PRDM15: variants seen among roughly 807,000 people sequenced by gnomAD.
PRDM15 encodes the protein PR domain zinc finger protein 15.
A neutral mutation model predicts 128.6 loss-of-function variants in PRDM15; 64 were observed. The observed-to-expected ratio is 0.50, with a 90% CI of 0.41 to 0.61. The LOEUF (loss-of-function observed/expected upper bound fraction) is 0.61, where lower values mean the gene tolerates loss of function less well. Ranked by LOEUF, PRDM15 falls within the 20% of genes least tolerant of loss-of-function variation. PRDM15 has a pLI of 0.00. For missense variants in PRDM15, 1,242 were observed against 1,569.1 expected (o/e 0.79, Z 3.52); for synonymous variants, 615 against 621.8 (o/e 0.99, Z 0.16).
chr21:41,825,078 G>T (rs1156915477), intron 13 of PRDM15, among the ~76,000 whole-genome samples: 2 of 152,276 alleles, frequency 1.3e-5, no homozygotes, highest in Non-Finnish European at 2.9e-5. Context: ...TGGGCCCAGA[G>T]CCCGCTTGGG....
In PRDM15 at chr21:41,821,756, C is replaced by T; in HGVS notation, c.1896+147G>A. 2 of 942,270 alleles carry T rather than the reference C, an allele frequency of 2.1e-6. No homozygotes were observed. Among genetic ancestry groups the T allele is most frequent in the Non-Finnish European group, 3.2e-6 (2 of 619,726 alleles). The allele number at this position is 942,270 out of a possible 1,614,324, so 58.4% of individuals were successfully genotyped here. A position where few individuals can be genotyped will look rare whatever the true frequency, so the allele number is the denominator to read the frequency against. ...CACAAGTGATGGACAGGCACCCAGT[C>T]TGCAGTAGGACCACTGGCCGGAGCC... On this transcript the variant is annotated intron_variant, in intron 15 of 23. Transcript: ENST00000398548. The surrounding 1 kb of genome is among the most constrained non-coding windows in gnomAD (Gnocchi z 5.4).
In PRDM15 at chr21:41,821,881, C is replaced by A. The variant is rs755484835; in HGVS notation, c.1896+22G>T. 3.1e-6 allele frequency: 5 copies of A among 1,612,996 alleles called. No individual in the cohort carries two copies. The Middle Eastern group carries it at 5.0e-4, about 160-fold the overall frequency. On this transcript the variant is annotated intron_variant, in intron 15 of 23. Transcript: ENST00000398548. The surrounding 1 kb of genome is among the most constrained non-coding windows in gnomAD (Gnocchi z 5.4). ...CCTTCCTCTCCAGACCACCCAGGCA[C>A]CGCGGGGCAAACCCGCCATACCTGG...
At chr21:41,815,861 G>T (rs765617481) in intron 18 of PRDM15, 25 bp from the exon 19 acceptor site, 3 of 1,610,156 alleles carry the variant, frequency 1.9e-6, no homozygotes, top group Admixed American at 3.3e-5. Flanking sequence ...CGAGTCAGAG[G>T]CGGCCACACC....
rs1488025518 is a variant in PRDM15, at chr21:41,857,183, G to A, written c.278C>T (p.Pro93Leu). ...VAKWEKESAF[P>L]LKVFQKDGHP... ...TTTGGCAACAGCCTTTACCTTCAGGGGAAATGCAGACTCCTTTTCCCATTT... is the reference window on the plus strand; with the variant it reads ...TTTGGCAACAGCCTTTACCTTCAGGAGAAATGCAGACTCCTTTTCCCATTT... The change falls in exon 4 of 24, where the codon CCC becomes CTC. Residue 93 changes from proline to leucine, a missense_variant. This residue lies in a region of PRDM15 where 612 missense variants were observed against 717.0 expected (regional missense o/e 0.85). Coordinates refer to ENST00000398548, the MANE Select transcript of PRDM15 (RefSeq NM_001040424.3). The A allele has an allele frequency of 1.9e-6, 3 of 1,613,056 alleles. No homozygotes were observed. The highest frequency in any genetic ancestry group is 8.5e-7 in the Non-Finnish European group (1 of 1,179,490).
intron 11 of PRDM15, chr21:41,834,354 A>G (rs2839388): frequency 0.79 from 544,511 of 687,622 alleles, 216,428 homozygotes; most frequent in African/African-American, 0.92. Context: ...CCCATGTGCG[A>G]CAGCCCTGGT....
chr21:41,817,682 A>C (rs2062099880), intron 18 of PRDM15, among the ~76,000 whole-genome samples: 1 of 152,188 alleles, frequency 6.6e-6, no homozygotes, highest in African/African-American at 2.4e-5. Flanking sequence ...CCGATATAAA[A>C]AGATCTCCAA....
intron 19 of PRDM15, chr21:41,812,814 G>T (rs35654380): frequency 0.018 from 2,796 of 152,510 alleles, 42 homozygotes; most frequent in Non-Finnish European, 0.026. Flanking sequence ...CCACTGTGGG[G>T]GATGATCGCC....
At chr21:41,841,085 T>C (rs1012725709) in intron 6 of PRDM15, among the ~76,000 whole-genome samples, 7 of 150,714 alleles carry the variant, frequency 4.6e-5, no homozygotes, top group African/African-American at 1.5e-4. Flanking sequence ...ACAGAGAAAA[T>C]AGGGAAGGAG....
Position 41,854,512 on chromosome 21 carries a change from C to G in PRDM15, c.538+54G>C, listed in dbSNP as rs2063518170. 15 of 1,600,404 alleles carry G rather than the reference C, an allele frequency of 9.4e-6. No homozygotes were observed. The highest frequency in any genetic ancestry group is 1.2e-5 in the Non-Finnish European group (14 of 1,177,828). ...CAGCACAGAGCCAAGGGACCATAAC[C>G]CCTTCGGCGAGGCACAAGGGAAGGT... On this transcript the variant is annotated intron_variant, in intron 5 of 23. Coordinates refer to ENST00000398548, the MANE Select transcript of PRDM15 (RefSeq NM_001040424.3). The surrounding 1 kb of genome is among the most constrained non-coding windows in gnomAD (Gnocchi z 4.6).
rs2061624048 is a variant in PRDM15, at chr21:41,806,371, TACC to T, written c.2653-1760_2653-1758del. ...CCACCATCACCACCACCACCATCAC[TACC>T]ACCATCACCACCACCACCATCACCA... On this transcript the variant is annotated intron_variant, in intron 21 of 23. Transcript: ENST00000398548. Among the ~76,000 whole-genome samples, 4 of 3,392 alleles carry T rather than the reference TACC, an allele frequency of 1.2e-3. No homozygotes were observed. In the East Asian group the frequency reaches 0.065, roughly 55 times the overall value. The allele number at this position is 3,392 out of a possible 152,430, so 2.2% of individuals were successfully genotyped here. A position where few individuals can be genotyped will look rare whatever the true frequency, so the allele number is the denominator to read the frequency against.
At chr21:41,814,750 C>A (rs2061986079) in intron 19 of PRDM15, 2 of 149,690 alleles carry the variant, frequency 1.3e-5, no homozygotes, top group African/African-American at 5.1e-5. Flanking sequence ...TTAGTGATTG[C>A]GCAGGGTGCT....
In PRDM15 at chr21:41,801,032, A is replaced by T; in HGVS notation, c.*208T>A. 1 of 624,902 alleles carries T rather than the reference A, an allele frequency of 1.6e-6. No individual in the cohort carries two copies. The highest frequency in any genetic ancestry group is 2.6e-6 in the Non-Finnish European group (1 of 389,532). 38.7% of individuals were successfully genotyped at this position (624,902 alleles called of 1,614,324 possible). On this transcript the variant is annotated 3_prime_UTR_variant, in exon 24 of 24. Transcript: ENST00000398548. ...CATGGTGTGGAGCCCCATCCAGTTT[A>T]AAACTCTGGCCTGCCAGAGGTCCCT...
At chr21:41,842,523 C>T (rs892813453) in intron 6 of PRDM15, among the ~76,000 whole-genome samples, 9 of 152,236 alleles carry the variant, frequency 5.9e-5, no homozygotes, top group African/African-American at 2.2e-4. Context: ...GACGGAGTCT[C>T]GCTCTGTTGC....
chr21:41,876,173 C>A (rs1479333454), intron 1 of PRDM15, among the ~76,000 whole-genome samples: 1 of 152,212 alleles, frequency 6.6e-6, no homozygotes, highest in African/African-American at 2.4e-5. Context: ...AGTGTGACTA[C>A]AATTGGAACA....
intron 6 of PRDM15, among the ~76,000 whole-genome samples, chr21:41,846,882 G>A (rs991150845): frequency 6.6e-6 from 1 of 152,138 alleles, no homozygotes; most frequent in African/African-American, 2.4e-5. Flanking sequence ...GAGGAGTGAG[G>A]CCTGCAGGGG....
chr21:41,870,099 G>A (rs891703534), intron 1 of PRDM15, among the ~76,000 whole-genome samples: 9 of 152,170 alleles, frequency 5.9e-5, no homozygotes, highest in African/African-American at 2.2e-4. Context: ...TTCTATTCTA[G>A]TTCCTTTGCC....
Position 41,854,663 on chromosome 21 carries a change from G to A in PRDM15, c.441C>T (p.Asp147=). Residue 147 remains aspartate, a synonymous_variant, in exon 5 of 24, where the codon GAC becomes GAT. Transcript: ENST00000398548. The surrounding 1 kb of genome is among the most constrained non-coding windows in gnomAD (Gnocchi z 4.6). ...CGCGCAGCTCGGTACCCGGGGGGAT[G>A]TCTCTGGAGGTGGTGAAGTACACGT... ...GSDVYFTTSR[D]IPPGTELRVW... 1 of 1,613,814 alleles carries A rather than the reference G, an allele frequency of 6.2e-7. No individual in the cohort carries two copies. Among genetic ancestry groups the A allele is most frequent in the African/African-American group, 1.3e-5 (1 of 75,080 alleles).
At chr21:41,850,656 C>T (rs891854130) in intron 5 of PRDM15, among the ~76,000 whole-genome samples, 4 of 152,098 alleles carry the variant, frequency 2.6e-5, no homozygotes, top group African/African-American at 9.7e-5. Flanking sequence ...ATCACTTGAG[C>T]CCACGAGGGC....
chr21:41,819,051 C>A (rs909583173), intron 18 of PRDM15, among the ~76,000 whole-genome samples: 6 of 152,232 alleles, frequency 3.9e-5, no homozygotes, highest in African/African-American at 1.4e-4. Flanking sequence ...TTAGATCCTG[C>A]ATTATTTTCC....
Sources: allele counts gnomAD v4.1 joint callset (sites outside exome capture counted in the v4.1 genomes callset), GRCh38; gene constraint gnomAD v4.1.1; regional missense constraint gnomAD v4.1.1; non-coding constraint Gnocchi (gnomAD v3.1); transcripts MANE v1.5; gene names NCBI Gene and HGNC (gene_info 2026-07-23, HGNC 2026-07-21).